Variants in DSG2 observed in about 807,000 individuals in gnomAD.
DSG2 encodes desmoglein 2, also known as desmoglein-2.
In DSG2, 45 loss-of-function variants were observed where a neutral mutation model predicts 75.6. The ratio of observed to expected loss-of-function variants is 0.60; its 90% CI spans 0.47 to 0.76. DSG2 has a LOEUF of 0.76. DSG2 is among the 30% of genes least tolerant of loss of function. The pLI is 0.00. For missense variants in DSG2, 1,267 were observed against 1,357.4 expected (o/e 0.93, Z 1.05); for synonymous variants, 429 against 483.9 (o/e 0.89, Z 1.49).
chr18:31,525,916 G>A (rs2073160365), intron 8 of DSG2, among the ~76,000 whole-genome samples: 2 of 151,962 alleles, frequency 1.3e-5, no homozygotes, highest in Non-Finnish European at 2.9e-5. Context: ...GCCGAGGAGG[G>A]CGGATCACGA....
intron 14 of DSG2, among the ~76,000 whole-genome samples, 194 bp from the exon 15 acceptor site, chr18:31,545,527 A>T (rs1020320258): frequency 6.6e-6 from 1 of 151,672 alleles, no homozygotes; most frequent in Non-Finnish European, 1.5e-5. Flanking sequence ...TTTTTCCCTG[A>T]TATTAATTTT....
intron 10 of DSG2, 93 bp downstream of exon 10, chr18:31,535,505 C>T: frequency 8.1e-7 from 1 of 1,234,928 alleles, no homozygotes. Context: ...TGTATAAAAA[C>T]CTAATCTCGG....
At chr18:31,532,046 C>T (rs1444099301) in intron 9 of DSG2, among the ~76,000 whole-genome samples, 1 of 152,208 alleles carries the variant, frequency 6.6e-6, no homozygotes, top group Non-Finnish European at 1.5e-5. Flanking sequence ...TTGCTCAGTG[C>T]CAGAGCTGCC....
In DSG2 at chr18:31,538,914, C is replaced by T. The variant is rs2073249062; in HGVS notation, c.1815C>T (p.Asp605=). ...GCGGCTGCAGGGAAGCACAGCATGA[C>T]TCCTATGTGGGCCTGGGACCCGCAG... ...HGSGCREAQH[D]SYVGLGPAAI... is the part of the protein sequence containing the mutation. Residue 605 remains aspartate, a synonymous_variant, in exon 12 of 15, where the codon GAC becomes GAT. Transcript: ENST00000261590. 6.2e-7 allele frequency: 1 copy of T among 1,614,162 alleles called. No homozygotes were observed.
At chr18:31,541,110 A>G (rs1014651543) in intron 12 of DSG2, 83 bp from the exon 13 acceptor site, 4 of 1,567,854 alleles carry the variant, frequency 2.6e-6, no homozygotes, top group East Asian at 2.3e-5. Flanking sequence ...AGGAAGGGAC[A>G]TGCAAATTCC....
At chr18:31,517,735 T>G (rs1401217483) in intron 1 of DSG2, among the ~76,000 whole-genome samples, 1 of 151,518 alleles carries the variant, frequency 6.6e-6, no homozygotes, top group African/African-American at 2.4e-5. Context: ...AAGAAAAGAG[T>G]TGGTGGGACT....
At chr18:31,522,421 G>C (rs1439341316) in intron 6 of DSG2, 172 bp downstream of exon 6, 2 of 638,686 alleles carry the variant, frequency 3.1e-6, no homozygotes, top group Non-Finnish European at 5.3e-6. Flanking sequence ...TGTGACTATT[G>C]AGCACTTAAA....
intron 10 of DSG2, 64 bp downstream of exon 10, chr18:31,535,476 G>A: frequency 1.4e-6 from 2 of 1,389,270 alleles, no homozygotes; most frequent in South Asian, 2.4e-5. Context: ...TCCAACATCA[G>A]AAACCATTGA....
rs541488725 is a variant in DSG2 at position 31,528,554 on chromosome 18, C to T, written c.1015-2433C>T. The stretch of plus-strand genomic sequence containing the variant: ...TGGTGAAACCCTGACTCTACTAAAA[C>T]AAAAAATTAGCCAGGTTTGGTAGTG... On this transcript the variant is annotated intron_variant, in intron 8 of 14. Coordinates refer to ENST00000261590, the MANE Select transcript of DSG2 (RefSeq NM_001943.5). Among the ~76,000 whole-genome samples the T allele has an allele frequency of 6.5e-4, 98 of 151,876 alleles. 2 individuals carry two copies. The South Asian group carries it at 0.02, about 30-fold the overall frequency.
In DSG2 at chr18:31,538,732, C is replaced by A. The variant is rs2073247158; in HGVS notation, c.1652-19C>A. ...GGTAATCGTTCGTTTTTATTTCCTT[C>A]TGCCTCCCAACCTTGTAGGTACCAG... On this transcript the variant is annotated intron_variant, in intron 11 of 14. Transcript: ENST00000261590. 1 of 1,607,844 alleles carries A rather than the reference C, an allele frequency of 6.2e-7. No homozygotes were observed. The highest frequency in any genetic ancestry group is 1.7e-5 in the Admixed American group (1 of 60,004).
At chr18:31,527,928 G>A (rs536738928) in intron 8 of DSG2, among the ~76,000 whole-genome samples, 52 of 152,284 alleles carry the variant, frequency 3.4e-4, no homozygotes, top group African/African-American at 1.1e-3. Flanking sequence ...TCCACTAGGC[G>A]TCTTTTGAAA....
At chr18:31,530,721 A>AAT (rs976559570) in intron 8 of DSG2, among the ~76,000 whole-genome samples, 18 of 151,758 alleles carry the variant, frequency 1.2e-4, no homozygotes, top group East Asian at 3.9e-4. Context: ...GCCTGAACAA[A>AAT]ATATATATAT....
chr18:31,529,152 T>TA (rs2073179648), intron 8 of DSG2, among the ~76,000 whole-genome samples: 1 of 152,158 alleles, frequency 6.6e-6, no homozygotes, highest in Non-Finnish European at 1.5e-5. Flanking sequence ...TTAATGTTAT[T>TA]AAAAAATAGC....
chr18:31,541,436 C>A, intron 13 of DSG2, 122 bp downstream of exon 13: 2 of 1,297,426 alleles, frequency 1.5e-6, no homozygotes, highest in Non-Finnish European at 2.2e-6. Context: ...CACTCATGTG[C>A]CTTTGTTAAG....
rs374177723 is a variant in DSG2 at position 31,545,911 on chromosome 18, G to A, written c.2525G>A (p.Gly842Asp). 16 of 1,613,928 alleles carry A rather than the reference G, an allele frequency of 9.9e-6. No individual in the cohort carries two copies. Among genetic ancestry groups the A allele is most frequent in the African/African-American group, 2.7e-5 (2 of 74,880 alleles). ...AAGACACTAGCTGAAGTTTGCCTGG[G>A]TCAAAAAATAGATATAAATAAGGAA... ...KFKTLAEVCL[G>D]QKIDINKEIE... is the part of the protein sequence containing the mutation. Residue 842 changes from glycine (G) to aspartate (D), a missense_variant, in exon 15 of 15, where the codon GGT (glycine) becomes GAT (aspartate). Coordinates refer to ENST00000261590, the MANE Select transcript of DSG2 (RefSeq NM_001943.5).
chr18:31,519,904 A>T lies in DSG2; in HGVS notation c.183A>T (p.Gly61=). The stretch of plus-strand genomic sequence containing the variant: ...CCGCCCCCGTGGCTCTTCGGGAGGG[A>T]GAGGATCTGTCCAAGAAGAATCCAA... The part of the protein sequence containing the change: ...WITAPVALRE[G]EDLSKKNPIA... Residue 61 remains glycine (G), a synonymous_variant, in exon 3 of 15, where the codon GGA becomes GGT. Transcript: ENST00000261590. The T allele has an allele frequency of 6.2e-7, 1 of 1,614,156 alleles. No individual in the cohort carries two copies.
intron 1 of DSG2, 137 bp downstream of exon 1, chr18:31,498,433 G>C (rs2072995965): frequency 1.0e-6 from 1 of 994,938 alleles, no homozygotes; most frequent in East Asian, 3.4e-5. Flanking sequence ...GCCCGAGGGG[G>C]GAAAAGGGCC....
At chr18:31,519,738 G>A in intron 2 of DSG2, 65 bp from the exon 3 acceptor site, 2 of 1,540,976 alleles carry the variant, frequency 1.3e-6, no homozygotes, top group Non-Finnish European at 1.8e-6. Flanking sequence ...TATGTTATAG[G>A]ACAGCATACT....
intron 9 of DSG2, among the ~76,000 whole-genome samples, chr18:31,534,629 G>A (rs1183869509): frequency 6.7e-6 from 1 of 148,726 alleles, no homozygotes; most frequent in African/African-American, 2.5e-5. Flanking sequence ...TCCTGCCACA[G>A]CCTCCTGAGG....
Sources: gnomAD v4.1 joint callset for allele counts (sites outside exome capture counted in the v4.1 genomes callset) on GRCh38, gnomAD v4.1.1 for gene constraint, MANE v1.5 for transcripts, NCBI Gene and HGNC (gene_info 2026-07-23, HGNC 2026-07-21) for gene names.